Variants in FGF12 observed in about 807,000 individuals in gnomAD.
FGF12 encodes the protein fibroblast growth factor 12, also known as fibroblast growth factor 12B.
FGF12 carries 14 observed loss-of-function variants against 23.6 expected under a neutral mutation model. The observed-to-expected ratio is 0.59, with a 90% CI of 0.39 to 0.93. The LOEUF is 0.93. FGF12 is among the 40% of genes least tolerant of loss of function. The pLI, the probability that FGF12 is intolerant of heterozygous loss-of-function variation, is 0.00. For synonymous variants in FGF12, 62 were observed against 77.3 expected, an observed-to-expected ratio of 0.80 and a Z score of 1.04; for missense variants, 175 against 217.8, an observed-to-expected ratio of 0.80 and a Z score of 1.24.
chr3:192,512,986 A>G (rs1016214648), intron 2 of FGF12, among the ~76,000 whole-genome samples: 1 of 151,364 alleles, frequency 6.6e-6, no homozygotes, highest in African/African-American at 2.4e-5. Flanking sequence ...TATGCTGTCC[A>G]ATCACATAAG....
At chr3:192,599,272 A>AATAATAATAATTATG (rs1268299389) in intron 2 of FGF12, among the ~76,000 whole-genome samples, 1 of 150,032 alleles carries the variant, frequency 6.7e-6, no homozygotes, top group Non-Finnish European at 1.5e-5. Flanking sequence ...TAATAATAAT[A>AATAATAATAATTATG]ATAATAATAA....
At chr3:192,197,236 C>T (rs1170886514) in intron 4 of FGF12, among the ~76,000 whole-genome samples, 2 of 152,046 alleles carry the variant, frequency 1.3e-5, no homozygotes, top group Admixed American at 1.3e-4. Context: ...GTATTCTTCT[C>T]GGTGCCTACA....
At chr3:192,516,319 A>G (rs1577031584) in intron 2 of FGF12, among the ~76,000 whole-genome samples, 1 of 152,266 alleles carries the variant, frequency 6.6e-6, no homozygotes, top group East Asian at 1.9e-4. Context: ...TAGGTAATTC[A>G]TTGCACGAAA....
intron 2 of FGF12, among the ~76,000 whole-genome samples, chr3:192,403,612 T>C (rs1302270162): frequency 6.6e-6 from 1 of 151,908 alleles, no homozygotes; most frequent in Non-Finnish European, 1.5e-5. Flanking sequence ...GTAGTTCAGA[T>C]ATGAGTCATA....
intron 5 of FGF12, among the ~76,000 whole-genome samples, chr3:192,158,394 TCTCTTTC>T (rs1714617560): frequency 1.2e-5 from 1 of 80,442 alleles, no homozygotes; most frequent in African/African-American, 8.2e-5. Context: ...TTTCTTTCTC[TCTCTTTC>T]TTTTTCTTTC....
At chr3:192,221,503 C>G (rs149027843) in intron 4 of FGF12, among the ~76,000 whole-genome samples, 1 of 152,058 alleles carries the variant, frequency 6.6e-6, no homozygotes, top group East Asian at 1.9e-4. Flanking sequence ...TACTAAGGTA[C>G]GTTAATAAAC....
At chr3:192,317,347 C>G (rs1448306000) in intron 4 of FGF12, among the ~76,000 whole-genome samples, 2 of 151,322 alleles carry the variant, frequency 1.3e-5, no homozygotes, top group Non-Finnish European at 2.9e-5. Context: ...CAGAAGTGAG[C>G]CCACTGTCCT....
At chr3:192,713,866 A>G (rs1333402869) in intron 2 of FGF12, among the ~76,000 whole-genome samples, 1 of 152,198 alleles carries the variant, frequency 6.6e-6, no homozygotes, top group Non-Finnish European at 1.5e-5. Flanking sequence ...TGTTTGATTC[A>G]AAAGTGAAAT....
chr3:192,425,653 T>C (rs895921344), intron 2 of FGF12, among the ~76,000 whole-genome samples: 4 of 152,180 alleles, frequency 2.6e-5, no homozygotes, highest in African/African-American at 7.2e-5. Context: ...TATGGAGATA[T>C]ATGATAGAAA....
At chr3:192,493,417 T>C (rs1723857106) in intron 2 of FGF12, among the ~76,000 whole-genome samples, 1 of 152,218 alleles carries the variant, frequency 6.6e-6, no homozygotes. Context: ...TATGCACTTA[T>C]CCAAGTCTAT....
chr3:192,230,770 T>C (rs989639581), intron 4 of FGF12, among the ~76,000 whole-genome samples: 1 of 152,120 alleles, frequency 6.6e-6, no homozygotes, highest in Non-Finnish European at 1.5e-5. Context: ...TCTCCATGTA[T>C]AATTTTAATA....
At chr3:192,656,168 C>G (rs1486712825) in intron 2 of FGF12, among the ~76,000 whole-genome samples, 1 of 151,798 alleles carries the variant, frequency 6.6e-6, no homozygotes, top group African/African-American at 2.4e-5. Context: ...GACGGAAGCT[C>G]ACCTGGGAAG....
At chr3:192,432,506 C>CAG (rs1415988288) in intron 2 of FGF12, among the ~76,000 whole-genome samples, 1 of 150,826 alleles carries the variant, frequency 6.6e-6, no homozygotes, top group Non-Finnish European at 1.5e-5. Flanking sequence ...CTTAGCAGAT[C>CAG]AGAGAGAGAG....
At chr3:192,546,977 G>C (rs1020741047) in intron 2 of FGF12, among the ~76,000 whole-genome samples, 10 of 152,056 alleles carry the variant, frequency 6.6e-5, no homozygotes, top group Non-Finnish European at 1.2e-4. Context: ...CTTGAGCCCA[G>C]GAGGTTGAGG....
chr3:192,272,355 T>C (rs1467942219), intron 4 of FGF12, among the ~76,000 whole-genome samples: 2 of 152,174 alleles, frequency 1.3e-5, no homozygotes, highest in African/African-American at 2.4e-5. Context: ...TATTTTCATA[T>C]TATCTGATTT....
At chr3:192,667,185 T>TG (rs1560187824) in intron 2 of FGF12, among the ~76,000 whole-genome samples, 1 of 152,164 alleles carries the variant, frequency 6.6e-6, no homozygotes, top group Non-Finnish European at 1.5e-5. Flanking sequence ...GTGGAGATAA[T>TG]CTTGTAAAAC....
intron 4 of FGF12, among the ~76,000 whole-genome samples, chr3:192,257,362 C>T (rs550776784): frequency 1.3e-5 from 2 of 152,266 alleles, no homozygotes; most frequent in East Asian, 3.9e-4. Flanking sequence ...GCCTGTCCAT[C>T]ACCCAGATGA....
intron 2 of FGF12, among the ~76,000 whole-genome samples, chr3:192,625,772 C>T (rs1715144112): frequency 6.6e-6 from 1 of 152,020 alleles, no homozygotes; most frequent in Non-Finnish European, 1.5e-5. Context: ...ACACAAAATA[C>T]ATTCAAAAGG....
intron 5 of FGF12, among the ~76,000 whole-genome samples, chr3:192,157,439 C>T (rs1206926440): frequency 6.6e-6 from 1 of 152,132 alleles, no homozygotes. Context: ...AAATATATAT[C>T]ACTGAGCTTT....
Sources: allele counts gnomAD v4.1 joint callset (sites outside exome capture counted in the v4.1 genomes callset), GRCh38; gene constraint gnomAD v4.1.1; transcripts MANE v1.5; gene names NCBI Gene and HGNC (gene_info 2026-07-23, HGNC 2026-07-21).